Variants in HCRTR2 observed in about 807,000 individuals in gnomAD.
HCRTR2 encodes the protein orexin receptor type 2.
Under a neutral mutation model 49.0 loss-of-function variants are expected in HCRTR2, and 22 were observed. The observed-to-expected ratio is 0.45, with a 90% CI of 0.32 to 0.64. The LOEUF (loss-of-function observed/expected upper bound fraction) is 0.64, where lower values mean the gene tolerates loss of function less well. Among genes scored for constraint, HCRTR2 ranks in the 30% least tolerant of loss-of-function variants. The pLI is 0.04. For missense variants in HCRTR2, 491 were observed against 559.4 expected, an observed-to-expected ratio of 0.88 and a Z score of 1.23; for synonymous variants, 236 against 205.3, an observed-to-expected ratio of 1.15 and a Z score of -1.28.
At chr6:55,222,196 A>G (rs1765911024) in intron 1 of HCRTR2, among the ~76,000 whole-genome samples, 1 of 152,132 alleles carries the variant, frequency 6.6e-6, no homozygotes, top group Non-Finnish European at 1.5e-5. Context: ...CAACAGATAC[A>G]TGAAGAGTGC....
chr6:55,274,353 A>ATATATATACTTATATATATAT (rs1290742950), intron 4 of HCRTR2, among the ~76,000 whole-genome samples: 398 of 147,996 alleles, frequency 2.7e-3, no homozygotes, highest in Middle Eastern at 7.2e-3. Flanking sequence ...ATTTTATGAA[A>ATATATATACTTATATATATAT]TGTATGCCTA....
At chr6:55,168,838 A>G (rs1293219238) in intron 1 of HCRTR2, among the ~76,000 whole-genome samples, 1 of 152,090 alleles carries the variant, frequency 6.6e-6, no homozygotes, top group Non-Finnish European at 1.5e-5. Context: ...GTGAAGATCA[A>G]TTGAGTTAAT....
intron 1 of HCRTR2, among the ~76,000 whole-genome samples, chr6:55,145,055 G>T (rs1053466865): frequency 1.3e-5 from 2 of 151,588 alleles, no homozygotes; most frequent in Admixed American, 1.3e-4. Flanking sequence ...TTCTTTTACC[G>T]CCCTTCCCAG....
intron 1 of HCRTR2, among the ~76,000 whole-genome samples, chr6:55,191,085 A>G (rs981216308): frequency 6.6e-6 from 1 of 152,192 alleles, no homozygotes; most frequent in African/African-American, 2.4e-5. Flanking sequence ...CAAAAAGACC[A>G]ATAAGAGGAA....
At chr6:55,108,735 G>A (rs1376840764) in intron 1 of HCRTR2, among the ~76,000 whole-genome samples, 2 of 151,994 alleles carry the variant, frequency 1.3e-5, no homozygotes, top group African/African-American at 4.8e-5. Context: ...GTGGAATTGG[G>A]GAAAGGCCAC....
chr6:55,221,812 CA>C (rs140340337), intron 1 of HCRTR2, among the ~76,000 whole-genome samples: 9,206 of 127,966 alleles, frequency 0.072, 449 homozygotes, highest in African/African-American at 0.17. Flanking sequence ...GACTCCATCT[CA>C]AAAAAAAAAA....
intron 1 of HCRTR2, among the ~76,000 whole-genome samples, chr6:55,128,761 A>T (rs1204121295): frequency 2.0e-5 from 3 of 152,142 alleles, no homozygotes; most frequent in South Asian, 4.1e-4. Flanking sequence ...TTTAGGTGTA[A>T]TCAGTAGGAA....
intron 1 of HCRTR2, among the ~76,000 whole-genome samples, chr6:55,192,853 A>G (rs960359166): frequency 3.9e-5 from 6 of 152,222 alleles, no homozygotes; most frequent in African/African-American, 1.4e-4. Context: ...AAGCATGAGT[A>G]TGAGGAAACA....
intron 1 of HCRTR2, among the ~76,000 whole-genome samples, chr6:55,203,126 A>T (rs1180714890): frequency 6.6e-6 from 1 of 152,204 alleles, no homozygotes; most frequent in Non-Finnish European, 1.5e-5. Flanking sequence ...ATTTGCCTCT[A>T]TACAGAGAAA....
chr6:55,217,154 G>T (rs1765803004), intron 1 of HCRTR2, among the ~76,000 whole-genome samples: 1 of 152,166 alleles, frequency 6.6e-6, no homozygotes, highest in South Asian at 2.1e-4. Flanking sequence ...CCCTGGGCCT[G>T]TCCCCTGAAA....
intron 3 of HCRTR2, among the ~76,000 whole-genome samples, chr6:55,261,696 A>G (rs983035265): frequency 1.3e-5 from 2 of 152,170 alleles, no homozygotes; most frequent in African/African-American, 4.8e-5. Context: ...AGCTAGTACG[A>G]CAACTATGGA....
intron 1 of HCRTR2, among the ~76,000 whole-genome samples, chr6:55,165,742 AGAATAT>A: frequency 1.2e-5 from 1 of 80,784 alleles, no homozygotes; most frequent in Non-Finnish European, 2.4e-5. Context: ...ATTAGTATAC[AGAATAT>A]ATATATATAT....
In HCRTR2 at chr6:55,248,304, G is replaced by A. The variant is rs939162737; in HGVS notation, c.224-335G>A. Among the ~76,000 whole-genome samples, 3 of 152,084 alleles carry A rather than the reference G, an allele frequency of 2.0e-5. No homozygotes were observed. In the East Asian group the frequency reaches 5.8e-4, roughly 29 times the overall value. On this transcript the variant is annotated intron_variant, in intron 1 of 6. Coordinates refer to ENST00000370862, the MANE Select transcript of HCRTR2 (RefSeq NM_001384272.1). ...CTTAATTTATCTTAACTCAGCAACC[G>A]TTTCTTGAGACTCTACTACATATTG...
At chr6:55,229,368 C>T (rs9396067) in intron 1 of HCRTR2, among the ~76,000 whole-genome samples, 27,593 of 152,018 alleles carry the variant, frequency 0.18, 2,877 homozygotes, top group Non-Finnish European at 0.24. Flanking sequence ...AAAATAGAAT[C>T]ACCATATGAG....
At chr6:55,126,905 T>C (rs1356025544) in intron 1 of HCRTR2, among the ~76,000 whole-genome samples, 4 of 152,246 alleles carry the variant, frequency 2.6e-5, no homozygotes, top group Non-Finnish European at 2.9e-5. Flanking sequence ...CAATGGCAGA[T>C]ACCCCTCCCT....
chr6:55,121,026 C>G (rs980567049), intron 1 of HCRTR2, among the ~76,000 whole-genome samples: 6 of 152,024 alleles, frequency 3.9e-5, no homozygotes, highest in Non-Finnish European at 8.8e-5. Flanking sequence ...TCATTGGTAG[C>G]TTGATGCGGA....
intron 1 of HCRTR2, among the ~76,000 whole-genome samples, chr6:55,121,155 C>A (rs913797495): frequency 6.6e-6 from 1 of 151,718 alleles, no homozygotes; most frequent in African/African-American, 2.4e-5. Context: ...TTTCGTTGAG[C>A]GTGGTTTGTA....
intron 1 of HCRTR2, among the ~76,000 whole-genome samples, chr6:55,134,225 T>A (rs1764402849): frequency 6.6e-6 from 1 of 151,804 alleles, no homozygotes; most frequent in Non-Finnish European, 1.5e-5. Flanking sequence ...GTTTGTTTGT[T>A]TGTTTGTTTT....
chr6:55,260,019 A>G (rs1766725136), intron 3 of HCRTR2, among the ~76,000 whole-genome samples: 1 of 152,076 alleles, frequency 6.6e-6, no homozygotes, highest in South Asian at 2.1e-4. Flanking sequence ...TCTTTTTTCC[A>G]TATCAGTGTT....
Sources: gnomAD v4.1 joint callset for allele counts (sites outside exome capture counted in the v4.1 genomes callset) on GRCh38, gnomAD v4.1.1 for gene constraint, MANE v1.5 for transcripts, NCBI Gene and HGNC (gene_info 2026-07-23, HGNC 2026-07-21) for gene names.